CUX1: variants seen among roughly 807,000 people sequenced by gnomAD.
CUX1 encodes cut like homeobox 1.
Under a neutral mutation model 158.8 loss-of-function variants are expected in CUX1, and 31 were observed. The observed-to-expected ratio is 0.20, with a 90% CI of 0.15 to 0.26. The LOEUF is 0.26. Ranked by LOEUF, CUX1 falls within the 10% of genes least tolerant of loss-of-function variation. The pLI is 1.00. For missense variants in CUX1, 1,589 were observed against 2,014.6 expected (o/e 0.79, Z 4.04); for synonymous variants, 879 against 862.1 (o/e 1.02, Z -0.34).
At chr7:101,841,135 CG>C (rs1225808464) in intron 1 of CUX1, among the ~76,000 whole-genome samples, 1 of 151,998 alleles carries the variant, frequency 6.6e-6, no homozygotes, top group African/African-American at 2.4e-5. Flanking sequence ...CTTTGTGATC[CG>C]CCCGCCTCGG....
intron 3 of CUX1, among the ~76,000 whole-genome samples, chr7:102,069,877 A>G (rs568947403): frequency 9.2e-5 from 14 of 152,346 alleles, no homozygotes; most frequent in Admixed American, 7.8e-4. Flanking sequence ...TCACAACTTT[A>G]CTGCCTGAAG....
intron 10 of CUX1, among the ~76,000 whole-genome samples, chr7:102,176,070 C>CGG (rs1426899187): frequency 1.3e-5 from 2 of 152,226 alleles, no homozygotes; most frequent in Non-Finnish European, 2.9e-5. Context: ...CCCAGGGCCA[C>CGG]GCGCACAGCT....
intron 3 of CUX1, among the ~76,000 whole-genome samples, chr7:102,045,784 T>C (rs1822705974): frequency 6.6e-6 from 1 of 152,252 alleles, no homozygotes; most frequent in Non-Finnish European, 1.5e-5. Flanking sequence ...ATCCTCTCGG[T>C]AACTGCTGGT....
intron 14 of CUX1, chr7:102,264,949 G>C (rs1725597): frequency 0.22 from 34,106 of 152,188 alleles, 3,927 homozygotes; most frequent in South Asian, 0.33. Flanking sequence ...GGCTTTCCAA[G>C]GGCACCCCGA....
intron 4 of CUX1, among the ~76,000 whole-genome samples, chr7:102,094,851 G>T (rs1297287616): frequency 6.6e-6 from 1 of 152,170 alleles, no homozygotes; most frequent in Non-Finnish European, 1.5e-5. Context: ...AGGTCGTGAA[G>T]GTGGGGAAGA....
At chr7:101,834,423 C>T (rs1794405939) in intron 1 of CUX1, among the ~76,000 whole-genome samples, 1 of 151,892 alleles carries the variant, frequency 6.6e-6, no homozygotes, top group Admixed American at 6.6e-5. Context: ...ATCTACCTGC[C>T]TTGGCCTCCC....
At chr7:102,027,319 G>T (rs1477380507) in intron 2 of CUX1, among the ~76,000 whole-genome samples, 1 of 152,080 alleles carries the variant, frequency 6.6e-6, no homozygotes, top group Non-Finnish European at 1.5e-5. Context: ...GTTGCAGTGA[G>T]CTGAGATCTT....
intron 1 of CUX1, among the ~76,000 whole-genome samples, chr7:101,912,909 C>A (rs1015108326): frequency 6.6e-6 from 1 of 152,154 alleles, no homozygotes; most frequent in South Asian, 2.1e-4. Context: ...CACACGTGAC[C>A]CGTGACTCAT....
Position 102,170,564 on chromosome 7 carries a change from G to GCGCCGTGGGGGACTGT in CUX1, c.828+15_828+16insGCCGTGGGGGACTGTC. 1 of 1,552,770 alleles carries GCGCCGTGGGGGACTGT rather than the reference G, an allele frequency of 6.4e-7. No individual in the cohort carries two copies. On this transcript the variant is annotated intron_variant, in intron 10 of 23. Transcript: ENST00000292535. Reference sequence around the variant, plus strand: ...GCACCAGACGTGGTGGGTAGCCCCGGCCCCGTGGGGGACTGTCCCCGCCTG... The same window carrying GCGCCGTGGGGGACTGT: ...GCACCAGACGTGGTGGGTAGCCCCGGCGCCGTGGGGGACTGTCCCCGTGGGGGACTGTCCCCGCCTG...
chr7:102,165,567 G>A (rs1790935528), intron 9 of CUX1, among the ~76,000 whole-genome samples: 1 of 152,042 alleles, frequency 6.6e-6, no homozygotes, highest in African/African-American at 2.4e-5. Context: ...ATTTCACCAT[G>A]TTGACCAGGC....
chr7:102,241,369 G>C (rs1158372747), intron 23 of CUX1, among the ~76,000 whole-genome samples: 2 of 152,192 alleles, frequency 1.3e-5, no homozygotes, highest in African/African-American at 4.8e-5. Context: ...CTCAGGTGCT[G>C]CTTCCCATTG....
chr7:102,101,524 G>A lies in CUX1; in HGVS notation c.407-2812G>A, dbSNP rs574564555. On this transcript the variant is annotated intron_variant, in intron 5 of 23. Transcript: ENST00000292535. ...ACCTCATCAGGCACAGCACACTGTC[G>A]AGGTCACACACTGTGATGTGTCACT... Among the ~76,000 whole-genome samples the A allele has an allele frequency of 2.6e-5, 4 of 152,284 alleles. No individual in the cohort carries two copies. The East Asian group carries it at 7.7e-4, about 29-fold the overall frequency.
Position 101,817,807 on chromosome 7 carries a change from G to A in CUX1, c.30+138G>A, listed in dbSNP as rs901126191. The A allele has an allele frequency of 3.0e-6, 3 of 1,016,054 alleles. No homozygotes were observed. The African/African-American group carries it at 4.9e-5, about 17-fold the overall frequency. The allele number at this position is 1,016,054 out of a possible 1,614,324, so 62.9% of individuals were successfully genotyped here. A position where few individuals can be genotyped will look rare whatever the true frequency, so the allele number is the denominator to read the frequency against. On this transcript the variant is annotated intron_variant, in intron 1 of 23. Transcript: ENST00000292535. This position sits in a 1 kb window ranked among gnomAD's most constrained non-coding sequence, Gnocchi z 4.1. ...TGGGAGGGGATAGGAGGGTTCCTCA[G>A]GGCCCCTGGGGAACTGCAGCTACTC...
intron 3 of CUX1, among the ~76,000 whole-genome samples, chr7:102,038,173 A>G (rs1821669337): frequency 6.6e-6 from 1 of 152,188 alleles, no homozygotes; most frequent in Admixed American, 6.5e-5. Context: ...AACTTGCCAT[A>G]ATAAAGATTC....
intron 1 of CUX1, among the ~76,000 whole-genome samples, chr7:101,830,922 A>G (rs1042881419): frequency 2.0e-5 from 3 of 151,960 alleles, no homozygotes. Flanking sequence ...GGGGTGATTC[A>G]TTTTTTTCAT....
At chr7:101,952,555 G>T (rs994178470) in intron 2 of CUX1, among the ~76,000 whole-genome samples, 3 of 152,186 alleles carry the variant, frequency 2.0e-5, no homozygotes, top group African/African-American at 7.2e-5. Flanking sequence ...CATTCGCAGG[G>T]ATCAGTGGCC....
intron 1 of CUX1, among the ~76,000 whole-genome samples, chr7:101,848,051 C>CAAAAAAAAAAAAAA (rs57428019): frequency 1.5e-4 from 10 of 65,372 alleles, no homozygotes; most frequent in South Asian, 6.0e-4. Context: ...GAGCAAGACT[C>CAAAAAAAAAAAAAA]AAAAAAAAAA....
rs180859082 is a variant in CUX1, at chr7:102,087,409, T to C, written c.269-9955T>C. ...CAGCCTGACCAACATGGAGAAACCC[T>C]ATCTCTACTAAAAATACAAAATTAG... On this transcript the variant is annotated intron_variant, in intron 4 of 23. Coordinates refer to ENST00000292535, the MANE Select transcript of CUX1 (RefSeq NM_181552.4). 2.3e-3 allele frequency among the ~76,000 whole-genome samples: 344 copies of C among 152,208 alleles called. 2 individuals carry two copies. Among genetic ancestry groups the C allele is most frequent in the Middle Eastern group, 6.8e-3 (2 of 294 alleles).
chr7:102,135,070 A>C (rs1180792264), intron 8 of CUX1, among the ~76,000 whole-genome samples: 1 of 152,112 alleles, frequency 6.6e-6, no homozygotes, highest in African/African-American at 2.4e-5. Context: ...TTCACTGTCC[A>C]AAAGAATCGT....
Sources: gnomAD v4.1 joint callset for allele counts (sites outside exome capture counted in the v4.1 genomes callset) on GRCh38, gnomAD v4.1.1 for gene constraint, Gnocchi (gnomAD v3.1) non-coding constraint, MANE v1.5 for transcripts, NCBI Gene and HGNC (gene_info 2026-07-23, HGNC 2026-07-21) for gene names.